Variants in CCDC117 observed in about 807,000 individuals in gnomAD.
CCDC117 encodes the protein coiled-coil domain-containing protein 117.
CCDC117 carries 1 observed loss-of-function variant against 23.5 expected under a neutral mutation model. That is an observed-to-expected ratio of 0.04 (90% CI 0.02 to 0.20). The LOEUF (loss-of-function observed/expected upper bound fraction) is 0.20, where lower values mean the gene tolerates loss of function less well. CCDC117 is among the 10% of genes least tolerant of loss of function. CCDC117 has a pLI of 1.00. For missense variants in CCDC117, 383 were observed against 348.2 expected, an observed-to-expected ratio of 1.10 and a Z score of -0.80; for synonymous variants, 132 against 124.8, an observed-to-expected ratio of 1.06 and a Z score of -0.39.
Position 28,780,984 on chromosome 22 carries a change from G to T in CCDC117, c.276G>T (p.Glu92Asp). 6.2e-7 allele frequency: 1 copy of T among 1,614,022 alleles called. No individual in the cohort carries two copies. Among genetic ancestry groups the T allele is most frequent in the African/African-American group, 1.3e-5 (1 of 75,012 alleles). ...PVRKKRITEAELCAGPNDWIL... is the reference protein window; with the variant it reads ...PVRKKRITEADLCAGPNDWIL... ...GAAAGAAAAGGATAACTGAAGCAGAGCTCTGTGCTGGTCCTAATGACTGGA... is the reference window on the plus strand; with the variant it reads ...GAAAGAAAAGGATAACTGAAGCAGATCTCTGTGCTGGTCCTAATGACTGGA... The change falls in exon 3 of 5, where the codon GAG becomes GAT. Residue 92 changes from glutamate to aspartate, a missense_variant. Coordinates refer to ENST00000249064, the MANE Select transcript of CCDC117 (RefSeq NM_173510.4).
chr22:28,784,565 T>A (rs1253022326), intron 4 of CCDC117, among the ~76,000 whole-genome samples: 2 of 152,206 alleles, frequency 1.3e-5, no homozygotes, highest in East Asian at 3.8e-4. Flanking sequence ...GGAGATGATT[T>A]GTGCTAGAAG....
intron 1 of CCDC117, 118 bp from the exon 2 acceptor site, chr22:28,773,607 T>G (rs2031064588): frequency 1.3e-6 from 1 of 789,816 alleles, no homozygotes; most frequent in Admixed American, 2.0e-5. Context: ...CCCACTAGGC[T>G]CAGAAAGGGA....
intron 2 of CCDC117, among the ~76,000 whole-genome samples, chr22:28,776,981 A>G (rs1177730137): frequency 6.6e-6 from 1 of 151,770 alleles, no homozygotes; most frequent in Non-Finnish European, 1.5e-5. Flanking sequence ...TGGCCTTCCA[A>G]AGTGCTAGGA....
At chr22:28,778,431 A>G (rs2146248170) in intron 2 of CCDC117, among the ~76,000 whole-genome samples, 1 of 152,122 alleles carries the variant, frequency 6.6e-6, no homozygotes, top group East Asian at 1.9e-4. Context: ...AACATGGTGA[A>G]ACCTCTTCTC....
chr22:28,784,013 C>T (rs989786637), intron 4 of CCDC117, among the ~76,000 whole-genome samples: 3 of 152,106 alleles, frequency 2.0e-5, no homozygotes, highest in Non-Finnish European at 4.4e-5. Flanking sequence ...AACAACACTG[C>T]GGCCTAGGAA....
At chr22:28,781,330 GT>G (rs1404977996) in intron 3 of CCDC117, among the ~76,000 whole-genome samples, 158 bp downstream of exon 3, 2 of 37,628 alleles carry the variant, frequency 5.3e-5, no homozygotes, top group Non-Finnish European at 9.1e-5. Context: ...TTGTTTTTTT[GT>G]TTTGTTTTTT....
At chr22:28,782,661 A>G (rs1187025084) in intron 3 of CCDC117, among the ~76,000 whole-genome samples, 1 of 151,244 alleles carries the variant, frequency 6.6e-6, no homozygotes. Context: ...CTGGTCTCGA[A>G]CTCCGGACCT....
intron 2 of CCDC117, among the ~76,000 whole-genome samples, chr22:28,780,587 A>G (rs1437995717): frequency 6.6e-6 from 1 of 152,152 alleles, no homozygotes; most frequent in East Asian, 1.9e-4. Flanking sequence ...AGCCATTCCA[A>G]GTGCTGGTAT....
chr22:28,775,518 A>T (rs1194342064), intron 2 of CCDC117, among the ~76,000 whole-genome samples: 2 of 152,188 alleles, frequency 1.3e-5, no homozygotes, highest in South Asian at 2.1e-4. Flanking sequence ...GCCCATTAAC[A>T]TCCTCTGAAC....
In CCDC117 at chr22:28,788,888, A is replaced by G. The variant is rs1246139316; in HGVS notation, c.*2562A>G. ...CTGTGCTAATGTGTGAAGAGAAAAA[A>G]TTCTCTAAAGCAGGTGAGCTTTAAT... On this transcript the variant is annotated 3_prime_UTR_variant, in exon 5 of 5. Transcript: ENST00000249064. 6.6e-6 allele frequency: 1 copy of G among 152,404 alleles called. No homozygotes were observed. Among genetic ancestry groups the G allele is most frequent in the Non-Finnish European group, 1.5e-5 (1 of 68,024 alleles). 9.4% of individuals were successfully genotyped at this position (152,404 alleles called of 1,614,324 possible).
At position 28,788,238 on chromosome 22, in the gene CCDC117, ACTT is replaced by A. The variant is rs1478528146; in HGVS notation, c.*1915_*1917del. On this transcript the variant is annotated 3_prime_UTR_variant, in exon 5 of 5. Coordinates refer to ENST00000249064, the MANE Select transcript of CCDC117 (RefSeq NM_173510.4). ...GTGTTTGATTCATGCCATTTGATAA[ACTT>A]CTGCCTTGTAGTCATTGTTTGATGG... 5 of 152,640 alleles carry A rather than the reference ACTT, an allele frequency of 3.3e-5. 2 individuals carry two copies. 9.5% of individuals were successfully genotyped at this position (152,640 alleles called of 1,614,324 possible).
intron 2 of CCDC117, among the ~76,000 whole-genome samples, chr22:28,774,308 C>G (rs534649385): frequency 6.6e-6 from 1 of 151,088 alleles, no homozygotes; most frequent in Non-Finnish European, 1.5e-5. Flanking sequence ...ACTTCATGAT[C>G]CTCCCGCCTC....
Position 28,788,622 on chromosome 22 carries a change from T to C in CCDC117, c.*2296T>C, listed in dbSNP as rs1264541155. 6.6e-6 allele frequency: 1 copy of C among 152,644 alleles called. No homozygotes were observed. Among genetic ancestry groups the C allele is most frequent in the Non-Finnish European group, 1.5e-5 (1 of 68,044 alleles). 9.5% of individuals were successfully genotyped at this position (152,644 alleles called of 1,614,324 possible). On this transcript the variant is annotated 3_prime_UTR_variant, in exon 5 of 5. Transcript: ENST00000249064. ...CATGATAATTATTTCTGCAGGATAA[T>C]TGATGTTTTATGTTCTTTTTTGGAC...
chr22:28,786,280 A>G lies in CCDC117; in HGVS notation c.794A>G (p.Asn265Ser). The G allele has an allele frequency of 6.2e-7, 1 of 1,614,186 alleles. No individual in the cohort carries two copies. Among genetic ancestry groups the G allele is most frequent in the Non-Finnish European group, 8.5e-7 (1 of 1,180,036 alleles). ...EPRPTGMSLY[N>S]SLETATSTEE... ...CGGCCAACAGGGATGTCTCTTTATA[A>G]TAGTTTGGAGACAGCTACTAGCACA... The change falls in exon 5 of 5, where the codon AAT becomes AGT. Residue 265 changes from asparagine to serine, a missense_variant. Transcript: ENST00000249064.
chr22:28,776,961 C>A (rs947341652), intron 2 of CCDC117, among the ~76,000 whole-genome samples: 1 of 151,840 alleles, frequency 6.6e-6, no homozygotes, highest in Non-Finnish European at 1.5e-5. Context: ...TTCAAGTAAT[C>A]TGCCCGCCTT....
At chr22:28,784,075 C>G (rs922691802) in intron 4 of CCDC117, among the ~76,000 whole-genome samples, 1 of 152,186 alleles carries the variant, frequency 6.6e-6, no homozygotes, top group Non-Finnish European at 1.5e-5. Flanking sequence ...GACTGCAAAA[C>G]AAAGCTCATA....
At chr22:28,778,576 T>G (rs1455435244) in intron 2 of CCDC117, among the ~76,000 whole-genome samples, 1 of 152,198 alleles carries the variant, frequency 6.6e-6, no homozygotes, top group Non-Finnish European at 1.5e-5. Context: ...AGAAAATATT[T>G]ATGTTCTTTA....
At position 28,773,451 on chromosome 22, in the gene CCDC117, C is replaced by G. The variant is rs2031059863; in HGVS notation, c.186-274C>G. ...GATTATTTAAATAAAGTGCTTAACA[C>G]AGCGCCTGCCCCGAGGACGTTTCCC... is the stretch of plus-strand genomic sequence containing the variant. On this transcript the variant is annotated intron_variant, in intron 1 of 4. Coordinates refer to ENST00000249064, the MANE Select transcript of CCDC117 (RefSeq NM_173510.4). The G allele has an allele frequency of 1.0e-5, 5 of 487,136 alleles. No homozygotes were observed. The South Asian group carries it at 1.6e-4, about 15-fold the overall frequency. The allele number at this position is 487,136 out of a possible 1,614,324, so 30.2% of individuals were successfully genotyped here. A position where few individuals can be genotyped will look rare whatever the true frequency, so the allele number is the denominator to read the frequency against.
chr22:28,776,746 G>A, intron 2 of CCDC117, among the ~76,000 whole-genome samples: 1 of 151,738 alleles, frequency 6.6e-6, no homozygotes, highest in East Asian at 2.0e-4. Flanking sequence ...CTCCATGCTT[G>A]GCTAATTTTG....
Sources: gnomAD v4.1 joint callset for allele counts (sites outside exome capture counted in the v4.1 genomes callset) on GRCh38, gnomAD v4.1.1 for gene constraint, MANE v1.5 for transcripts, NCBI Gene and HGNC (gene_info 2026-07-23, HGNC 2026-07-21) for gene names.